The following UGT2A3 variants were observed in gnomAD, a reference collection of about 807,000 sequenced individuals.
UGT2A3 encodes UDP-glucuronosyltransferase 2A3.
Under a neutral mutation model 44.1 loss-of-function variants are expected in UGT2A3, and 55 were observed. That is an observed-to-expected ratio of 1.25 (90% CI 1.00 to 1.56). The LOEUF is 1.56. Ranked by LOEUF, UGT2A3 falls within the 40% of genes most tolerant of loss-of-function variation. The pLI is 0.00. For missense variants in UGT2A3, 733 were observed against 621.6 expected, an observed-to-expected ratio of 1.18 and a Z score of -1.91; for synonymous variants, 243 against 215.1, an observed-to-expected ratio of 1.13 and a Z score of -1.13.
At chr4:68,935,708 G>A (rs1717926425) in intron 2 of UGT2A3, among the ~76,000 whole-genome samples, 1 of 152,026 alleles carries the variant, frequency 6.6e-6, no homozygotes, top group Admixed American at 6.6e-5. Flanking sequence ...GATGGAGAAT[G>A]ACTTTGATGA....
rs1311112410 is a variant in UGT2A3, at chr4:68,929,273, C to G, written c.*540G>C. On this transcript the variant is annotated 3_prime_UTR_variant, in exon 6 of 6. Coordinates refer to ENST00000251566, the MANE Select transcript of UGT2A3 (RefSeq NM_024743.4). ...GTCTATGGAAATACAGCAAACTTTT[C>G]TAAGCATAATGCCATGTCATCATTA... The G allele has an allele frequency of 6.6e-5, 10 of 152,152 alleles. No individual in the cohort carries two copies. The highest frequency in any genetic ancestry group is 2.2e-4 in the African/African-American group (9 of 41,442). The allele number at this position is 152,152 out of a possible 1,614,324, so 9.4% of individuals were successfully genotyped here.
chr4:68,950,226 T>C (rs983084957), intron 1 of UGT2A3, among the ~76,000 whole-genome samples: 1 of 151,898 alleles, frequency 6.6e-6, no homozygotes, highest in African/African-American at 2.4e-5. Context: ...TCAATACATG[T>C]AAATTCAAAT....
At position 68,951,484 on chromosome 4, in the gene UGT2A3, G is replaced by C; in HGVS notation, c.277C>G (p.Leu93Val). 1 of 1,612,580 alleles carries C rather than the reference G, an allele frequency of 6.2e-7. No homozygotes were observed. Among genetic ancestry groups the C allele is most frequent in the Non-Finnish European group, 8.5e-7 (1 of 1,179,244 alleles). ...AAGCCTGGCAAGACATTCAGAGCTA[G>C]GTCAACAAATATTTCATTTTCTTCT... ...RTEENEIFVDLALNVLPGLST... is the reference protein window; with the variant it reads ...RTEENEIFVDVALNVLPGLST... The change falls in exon 1 of 6, where the codon CTA (leucine) becomes GTA (valine). Residue 93 changes from leucine (L) to valine (V), a missense_variant. Physicochemically the swap from Leu to Val is conservative, Grantham distance 32 (BLOSUM62 1). Coordinates refer to ENST00000251566, the MANE Select transcript of UGT2A3 (RefSeq NM_024743.4).
chr4:68,930,594 G>C lies in UGT2A3; in HGVS notation c.1256C>G (p.Thr419Arg), dbSNP rs1560454451. The C allele has an allele frequency of 6.2e-7, 1 of 1,613,392 alleles. No individual in the cohort carries two copies. Among genetic ancestry groups the C allele is most frequent in the Non-Finnish European group, 8.5e-7 (1 of 1,179,608 alleles). Residue 419 changes from threonine to arginine, a missense_variant, in exon 5 of 6, where the codon ACA becomes AGA. Transcript: ENST00000251566. ...CAAAGCCCTCAGTAAATCTTCGCTTGTCATAGTTTTGAAGTTTATTTCTAC... is the reference window on the plus strand; with the variant it reads ...CAAAGCCCTCAGTAAATCTTCGCTTCTCATAGTTTTGAAGTTTATTTCTAC... Reference protein sequence around the residue: ...AAVEINFKTMTSEDLLRALRT... With the variant: ...AAVEINFKTMRSEDLLRALRT...
At chr4:68,942,130 GTA>G (rs759456165) in intron 2 of UGT2A3, among the ~76,000 whole-genome samples, 1 of 151,564 alleles carries the variant, frequency 6.6e-6, no homozygotes, top group Non-Finnish European at 1.5e-5. Context: ...ATTACTGGGT[GTA>G]TATTTAAATA....
In UGT2A3 at chr4:68,928,963, G is replaced by C. The variant is rs1198406721; in HGVS notation, c.*850C>G. ...TTGATTATAGAGATAAGAATTATGA[G>C]TATTCATCATTTTTAAAGAATAAAC... On this transcript the variant is annotated 3_prime_UTR_variant, in exon 6 of 6. Transcript: ENST00000251566. 6.6e-6 allele frequency: 1 copy of C among 151,912 alleles called. No homozygotes were observed. Among genetic ancestry groups the C allele is most frequent in the Non-Finnish European group, 1.5e-5 (1 of 67,958 alleles). 9.4% of individuals were successfully genotyped at this position (151,912 alleles called of 1,614,324 possible). A position where few individuals can be genotyped will look rare whatever the true frequency, so the allele number is the denominator to read the frequency against.
At chr4:68,944,871 C>T (rs1428572846) in intron 2 of UGT2A3, among the ~76,000 whole-genome samples, 1 of 151,688 alleles carries the variant, frequency 6.6e-6, no homozygotes, top group Non-Finnish European at 1.5e-5. Flanking sequence ...TGTCTTCCTT[C>T]ATCACTTATT....
At position 68,951,085 on chromosome 4, in the gene UGT2A3, C is replaced by A; in HGVS notation, c.676G>T (p.Asp226Tyr). ...TAAAACTCTTCCCAAAAATGATAGTCGTAATCCTGAATCCAGAAGTGGAAC... is the reference window on the plus strand; with the variant it reads ...TAAAACTCTTCCCAAAAATGATAGTAGTAATCCTGAATCCAGAAGTGGAAC... ...VLFHFWIQDY[D>Y]YHFWEEFYSK... Residue 226 changes from aspartate (D) to tyrosine (Y), a missense_variant, in exon 1 of 6, where the codon GAC becomes TAC. Physicochemically the swap from Asp to Tyr is radical, Grantham distance 160. Transcript: ENST00000251566. The A allele has an allele frequency of 1.2e-6, 2 of 1,605,646 alleles. No homozygotes were observed. The highest frequency in any genetic ancestry group is 2.2e-5 in the South Asian group (2 of 89,508).
Position 68,929,636 on chromosome 4 carries a change from A to G in UGT2A3, c.*177T>C. On this transcript the variant is annotated 3_prime_UTR_variant, in exon 6 of 6. Coordinates refer to ENST00000251566, the MANE Select transcript of UGT2A3 (RefSeq NM_024743.4). ...AGAGAAGAGAGTAAAGACACCTAGGAAAATACAACGAAAGAATGAGATATA... is the reference window on the plus strand; with the variant it reads ...AGAGAAGAGAGTAAAGACACCTAGGGAAATACAACGAAAGAATGAGATATA... 1.8e-6 allele frequency: 1 copy of G among 564,442 alleles called. No individual in the cohort carries two copies. Among genetic ancestry groups the G allele is most frequent in the Non-Finnish European group, 3.0e-6 (1 of 329,722 alleles). 35.0% of individuals were successfully genotyped at this position (564,442 alleles called of 1,614,324 possible).
intron 1 of UGT2A3, 61 bp downstream of exon 1, chr4:68,950,985 G>A: frequency 8.1e-7 from 1 of 1,228,776 alleles, no homozygotes; most frequent in Non-Finnish European, 1.1e-6. Flanking sequence ...GACAATGTAT[G>A]ACAATTTTTA....
At chr4:68,935,357 ATATTTGCTGTTCTGCAG>A (rs1717908962) in intron 2 of UGT2A3, among the ~76,000 whole-genome samples, 2 of 147,164 alleles carry the variant, frequency 1.4e-5, no homozygotes, top group East Asian at 4.1e-4. Context: ...TCCAGCAGCA[ATATTTGCTGTTCTGCAG>A]TATTTGCTGT....
intron 1 of UGT2A3, among the ~76,000 whole-genome samples, chr4:68,949,374 C>T (rs1273834843): frequency 6.6e-6 from 1 of 151,784 alleles, no homozygotes; most frequent in Admixed American, 6.6e-5. Flanking sequence ...GATGGGGAAA[C>T]GAATCAGCGG....
chr4:68,939,895 A>G (rs979707782), intron 2 of UGT2A3, among the ~76,000 whole-genome samples: 1 of 152,212 alleles, frequency 6.6e-6, no homozygotes, highest in Non-Finnish European at 1.5e-5. Flanking sequence ...AAGGATATGA[A>G]CAGACACTTG....
At chr4:68,931,762 A>G (rs756467254) in intron 3 of UGT2A3, among the ~76,000 whole-genome samples, 14 of 152,154 alleles carry the variant, frequency 9.2e-5, no homozygotes, top group Middle Eastern at 3.4e-3. Flanking sequence ...AGAATGAGCT[A>G]GAAAATTACT....
rs781183089 is a variant in UGT2A3, at chr4:68,930,126, G to C, written c.1305-34C>G. The C allele has an allele frequency of 7.0e-6, 11 of 1,569,838 alleles. No individual in the cohort carries two copies. In the Admixed American group the frequency reaches 2.1e-4, roughly 29 times the overall value. On this transcript the variant is annotated intron_variant, in intron 5 of 5. Transcript: ENST00000251566. ...GAAAAACACACATAGAACTTAGAAA[G>C]TTGTAGTTTTGTTTTCATAAAAGAC...
chr4:68,931,493 G>A (rs1717734440), intron 3 of UGT2A3, among the ~76,000 whole-genome samples: 2 of 151,866 alleles, frequency 1.3e-5, no homozygotes, highest in African/African-American at 4.8e-5. Context: ...ATTTGAGAAT[G>A]AGAATACCAG....
At chr4:68,931,887 A>G (rs1304498635) in intron 3 of UGT2A3, among the ~76,000 whole-genome samples, 1 of 152,008 alleles carries the variant, frequency 6.6e-6, no homozygotes, top group Non-Finnish European at 1.5e-5. Context: ...AGAACGGCAT[A>G]GATGTTTCAA....
chr4:68,945,547 G>A (rs751314844), intron 1 of UGT2A3, 93 bp from the exon 2 acceptor site: 1 of 1,064,086 alleles, frequency 9.4e-7, no homozygotes, highest in African/African-American at 1.6e-5. Context: ...AAAAAAATAA[G>A]TTTAAGTCCT....
At chr4:68,934,783 T>C (rs1717871422) in intron 2 of UGT2A3, among the ~76,000 whole-genome samples, 1 of 151,698 alleles carries the variant, frequency 6.6e-6, no homozygotes, top group Admixed American at 6.6e-5. Flanking sequence ...GGTAGAAGGA[T>C]TGCTTAAACT....
Sources: gnomAD v4.1 joint callset for allele counts (sites outside exome capture counted in the v4.1 genomes callset) on GRCh38, gnomAD v4.1.1 for gene constraint, MANE v1.5 for transcripts, NCBI Gene and HGNC (gene_info 2026-07-23, HGNC 2026-07-21) for gene names.